Variants in NEK10 observed in about 807,000 individuals in gnomAD.
NEK10 encodes the protein serine/threonine-protein kinase Nek10.
In NEK10, 122 loss-of-function variants were observed where a neutral mutation model predicts 159.8. The ratio of observed to expected loss-of-function variants is 0.76; its 90% CI spans 0.66 to 0.89. The LOEUF (loss-of-function observed/expected upper bound fraction) is 0.89. Among genes scored for constraint, NEK10 ranks in the 40% least tolerant of loss-of-function variants. The probability of loss-of-function intolerance (pLI) is 0.00; values close to 1 mark genes in which losing one functional copy is unlikely to be tolerated. For missense variants in NEK10, 1,342 were observed against 1,323.1 expected, an observed-to-expected ratio of 1.01 and a Z score of -0.22; for synonymous variants, 466 against 457.1, an observed-to-expected ratio of 1.02 and a Z score of -0.25.
chr3:27,240,093 G>A (rs542769733), intron 23 of NEK10, among the ~76,000 whole-genome samples: 1 of 152,252 alleles, frequency 6.6e-6, no homozygotes, highest in East Asian at 1.9e-4. Flanking sequence ...TCTATTAAGA[G>A]GACCTTAATG....
At chr3:27,163,700 T>C (rs933623843) in intron 29 of NEK10, among the ~76,000 whole-genome samples, 1 of 152,140 alleles carries the variant, frequency 6.6e-6, no homozygotes, top group African/African-American at 2.4e-5. Flanking sequence ...GAAACATCTG[T>C]GCCCTGACAA....
At chr3:27,196,518 G>T (rs998819801) in intron 25 of NEK10, among the ~76,000 whole-genome samples, 3 of 152,098 alleles carry the variant, frequency 2.0e-5, no homozygotes, top group African/African-American at 7.2e-5. Flanking sequence ...GTGGAAGAGG[G>T]GGCATTAGAA....
rs535976155 is a variant in NEK10 at position 27,201,859 on chromosome 3, A to G, written c.2221-279T>C. On this transcript the variant is annotated intron_variant, in intron 24 of 35. Transcript: ENST00000691995. ...CTGGATTGTGAGTAGTCCAGACTGCAATTAAAAATAAAAGACCAGCTGGGC... is the reference window on the plus strand; with the variant it reads ...CTGGATTGTGAGTAGTCCAGACTGCGATTAAAAATAAAAGACCAGCTGGGC... Among the ~76,000 whole-genome samples the G allele has an allele frequency of 2.0e-5, 3 of 152,328 alleles. No homozygotes were observed. In the East Asian group the frequency reaches 5.8e-4, roughly 29 times the overall value.
At chr3:27,355,028 T>G in intron 1 of NEK10, among the ~76,000 whole-genome samples, 1 of 152,176 alleles carries the variant, frequency 6.6e-6, no homozygotes, top group East Asian at 1.9e-4. Context: ...TGGGAGAGGC[T>G]CTGGGCAGAG....
At chr3:27,237,517 G>T (rs1444577692) in intron 23 of NEK10, among the ~76,000 whole-genome samples, 1 of 147,310 alleles carries the variant, frequency 6.8e-6, no homozygotes, top group Non-Finnish European at 1.5e-5. Flanking sequence ...TTCCTCTGCC[G>T]TGGCTCCAGC....
At chr3:27,217,000 C>A (rs1488078724) in intron 23 of NEK10, among the ~76,000 whole-genome samples, 2 of 151,904 alleles carry the variant, frequency 1.3e-5, no homozygotes, top group African/African-American at 4.8e-5. Flanking sequence ...GAGAAAAAAC[C>A]AAAAACTTTG....
At position 27,205,208 on chromosome 3, in the gene NEK10, G is replaced by A. The variant is rs555810429; in HGVS notation, c.2091-2651C>T. Among the ~76,000 whole-genome samples the A allele has an allele frequency of 4.0e-4, 61 of 151,550 alleles. No homozygotes were observed. In the South Asian group the frequency reaches 5.7e-3, roughly 14 times the overall value. ...AACCACTGCTCAAGGAAATAAAAGA[G>A]GATACAAACAAATGGATAAACATTC... On this transcript the variant is annotated intron_variant, in intron 23 of 35. Coordinates refer to ENST00000691995, the MANE Select transcript of NEK10 (RefSeq NM_001394966.1).
chr3:27,122,660 T>C (rs2125458696), intron 32 of NEK10, among the ~76,000 whole-genome samples: 1 of 152,292 alleles, frequency 6.6e-6, no homozygotes, highest in East Asian at 1.9e-4. Context: ...TGGTTTAGCG[T>C]AGGAGTAACT....
intron 23 of NEK10, among the ~76,000 whole-genome samples, chr3:27,254,515 T>C (rs966466390): frequency 2.0e-5 from 3 of 152,212 alleles, no homozygotes; most frequent in African/African-American, 7.2e-5. Context: ...GATGTAGGAC[T>C]GAGTTCTTTT....
At chr3:27,252,154 T>C in intron 23 of NEK10, 2 of 462,634 alleles carry the variant, frequency 4.3e-6, no homozygotes. Context: ...CCTATGCTTA[T>C]GGAGCTTGTG....
At chr3:27,366,378 C>T (rs967732495) in intron 1 of NEK10, among the ~76,000 whole-genome samples, 64 of 152,206 alleles carry the variant, frequency 4.2e-4, no homozygotes, top group African/African-American at 1.5e-3. Flanking sequence ...GTTTTGTTCA[C>T]TGCTGAAGGC....
chr3:27,192,030 T>C lies in NEK10; in HGVS notation c.2504A>G (p.His835Arg). 1 of 1,590,874 alleles carries C rather than the reference T, an allele frequency of 6.3e-7. No homozygotes were observed. Among genetic ancestry groups the C allele is most frequent in the Non-Finnish European group, 8.6e-7 (1 of 1,158,900 alleles). The part of the protein sequence containing the change: ...TCHHELAVLS[H>R]ETFEKASLSS... ...ACCGATTGAAATATTTGCACTTACG[T>C]GAGATAGAACAGCCAGCTCATGGTG... The change falls in exon 26 of 36, where the codon CAC becomes CGC. Residue 835 changes from histidine to arginine, a missense_variant and splice_region_variant. Physicochemically the swap from His to Arg is conservative, Grantham distance 29. Coordinates refer to ENST00000691995, the MANE Select transcript of NEK10 (RefSeq NM_001394966.1).
At chr3:27,268,571 CA>C (rs918694118) in intron 22 of NEK10, among the ~76,000 whole-genome samples, 1 of 152,154 alleles carries the variant, frequency 6.6e-6, no homozygotes, top group Non-Finnish European at 1.5e-5. Context: ...CTTCTATTTG[CA>C]GCATGGTTTA....
At chr3:27,285,401 T>C (rs1024719226) in intron 20 of NEK10, among the ~76,000 whole-genome samples, 1 of 152,178 alleles carries the variant, frequency 6.6e-6, no homozygotes, top group Non-Finnish European at 1.5e-5. Context: ...AACTGTATTG[T>C]TTCATAGTCT....
In NEK10 at chr3:27,231,450, G is replaced by A. The variant is rs920592762; in HGVS notation, c.2090+24846C>T. Among the ~76,000 whole-genome samples, 4 of 151,334 alleles carry A rather than the reference G, an allele frequency of 2.6e-5. No homozygotes were observed. The East Asian group carries it at 7.8e-4, about 29-fold the overall frequency. On this transcript the variant is annotated intron_variant, in intron 23 of 35. Transcript: ENST00000691995. ...CACACCTCAAAAAACTACAGAAACA[G>A]GAACAAATTAAACCCAAACCCAGCA...
At position 27,109,391 on chromosome 3, in the gene NEK10, A is replaced by T. The variant is rs1939299427; in HGVS notation, c.*1881T>A. Among the ~76,000 whole-genome samples the T allele has an allele frequency of 6.6e-6, 1 of 151,792 alleles. No individual in the cohort carries two copies. ...GAGACTCTGTCTTAAAAAAAAAAAA[A>T]AAAAAAAAGAGTTAGATGGAAACAT... On this transcript the variant is annotated 3_prime_UTR_variant, in exon 36 of 36. Transcript: ENST00000691995.
intron 26 of NEK10, among the ~76,000 whole-genome samples, chr3:27,184,131 T>C (rs190057328): frequency 1.2e-3 from 189 of 152,284 alleles, no homozygotes; most frequent in African/African-American, 4.2e-3. Context: ...GGTCTTTTTG[T>C]AAATAGGTTT....
At position 27,311,178 on chromosome 3, in the gene NEK10, C is replaced by T. The variant is rs141508601; in HGVS notation, c.569-162G>A. The T allele has an allele frequency of 3.8e-4, 186 of 483,144 alleles. 1 individual carries two copies. Among genetic ancestry groups the T allele is most frequent in the African/African-American group, 3.5e-3 (175 of 50,268 alleles). The allele number at this position is 483,144 out of a possible 1,614,324, so 29.9% of individuals were successfully genotyped here. On this transcript the variant is annotated intron_variant, in intron 8 of 35. Coordinates refer to ENST00000691995, the MANE Select transcript of NEK10 (RefSeq NM_001394966.1). Reference sequence around the variant, plus strand: ...AGGAGCAGCATGGCTACTTTTTTACCCCAAGAATTACTCCTCAAGCTCCAC... The same window carrying T: ...AGGAGCAGCATGGCTACTTTTTTACTCCAAGAATTACTCCTCAAGCTCCAC...
At chr3:27,287,530 C>T (rs903614029) in intron 20 of NEK10, among the ~76,000 whole-genome samples, 168 bp downstream of exon 20, 1 of 152,174 alleles carries the variant, frequency 6.6e-6, no homozygotes, top group African/African-American at 2.4e-5. Context: ...CTGACTAGGT[C>T]ACTGTTTCAC....
Sources: gnomAD v4.1 joint callset for allele counts (sites outside exome capture counted in the v4.1 genomes callset) on GRCh38, gnomAD v4.1.1 for gene constraint, MANE v1.5 for transcripts, NCBI Gene and HGNC (gene_info 2026-07-23, HGNC 2026-07-21) for gene names.